Variants in RUNDC3B observed in about 807,000 individuals in gnomAD.
RUNDC3B encodes RUN domain-containing protein 3B.
A neutral mutation model predicts 58.4 loss-of-function variants in RUNDC3B; 33 were observed. That is an observed-to-expected ratio of 0.56 (90% CI 0.43 to 0.75). RUNDC3B has a LOEUF of 0.75. RUNDC3B is among the 30% of genes least tolerant of loss of function. RUNDC3B has a pLI of 0.00. For missense variants in RUNDC3B, 501 were observed against 535.7 expected (o/e 0.94, Z 0.64); for synonymous variants, 193 against 195.2 (o/e 0.99, Z 0.10).
intron 4 of RUNDC3B, among the ~76,000 whole-genome samples, chr7:87,734,506 C>G (rs1376693568): frequency 3.3e-5 from 5 of 152,086 alleles, no homozygotes; most frequent in African/African-American, 1.2e-4. Flanking sequence ...CTGGATCAAT[C>G]CTACCCTTAT....
chr7:87,657,158 G>A (rs1351273412), intron 2 of RUNDC3B, among the ~76,000 whole-genome samples: 1 of 152,102 alleles, frequency 6.6e-6, no homozygotes, highest in African/African-American at 2.4e-5. Flanking sequence ...AGAAAGACTG[G>A]TTAAGGACAC....
At chr7:87,700,791 C>CA (rs942335515) in intron 3 of RUNDC3B, among the ~76,000 whole-genome samples, 2 of 152,114 alleles carry the variant, frequency 1.3e-5, no homozygotes, top group African/African-American at 2.4e-5. Flanking sequence ...TACAAAATGT[C>CA]AAAAATATTT....
At chr7:87,644,413 G>A (rs1430605536) in intron 1 of RUNDC3B, among the ~76,000 whole-genome samples, 1 of 152,188 alleles carries the variant, frequency 6.6e-6, no homozygotes, top group Non-Finnish European at 1.5e-5. Context: ...TAACAGCAAT[G>A]ACATATAATA....
intron 6 of RUNDC3B, among the ~76,000 whole-genome samples, chr7:87,752,942 T>C (rs1363145889): frequency 2.0e-5 from 3 of 151,500 alleles, no homozygotes; most frequent in Non-Finnish European, 4.4e-5. Flanking sequence ...TGCTCTTGCT[T>C]TTCTAGTTCT....
intron 4 of RUNDC3B, among the ~76,000 whole-genome samples, chr7:87,711,048 C>T (rs371144551): frequency 2.2e-4 from 33 of 151,920 alleles, no homozygotes; most frequent in African/African-American, 6.0e-4. Flanking sequence ...ATACATTGGC[C>T]GGGCACGGTG....
Position 87,734,912 on chromosome 7 carries a change from T to A in RUNDC3B, c.459-4879T>A, listed in dbSNP as rs553713463. 2.6e-5 allele frequency among the ~76,000 whole-genome samples: 4 copies of A among 152,326 alleles called. No homozygotes were observed. In the South Asian group the frequency reaches 8.3e-4, roughly 32 times the overall value. On this transcript the variant is annotated intron_variant, in intron 4 of 10. Coordinates refer to ENST00000394654, the MANE Select transcript of RUNDC3B (RefSeq NM_001134405.2). Reference sequence around the variant, plus strand: ...AATCGCTCTGTCTCTTTTTCTGTCATCTTTTCCACTTAACATCTGACTGTT... The same window carrying A: ...AATCGCTCTGTCTCTTTTTCTGTCAACTTTTCCACTTAACATCTGACTGTT...
chr7:87,716,133 T>A (rs183550321), intron 4 of RUNDC3B, among the ~76,000 whole-genome samples: 1 of 152,194 alleles, frequency 6.6e-6, no homozygotes, highest in Non-Finnish European at 1.5e-5. Flanking sequence ...ATTACCACTT[T>A]GGGAAATCTG....
chr7:87,736,584 C>T (rs1011420002), intron 4 of RUNDC3B, among the ~76,000 whole-genome samples: 1 of 151,072 alleles, frequency 6.6e-6, no homozygotes, highest in Non-Finnish European at 1.5e-5. Context: ...AGTTTTTTTC[C>T]CAGATCACAG....
intron 8 of RUNDC3B, among the ~76,000 whole-genome samples, chr7:87,792,512 A>T (rs556035496): frequency 6.6e-6 from 1 of 152,250 alleles, no homozygotes; most frequent in East Asian, 1.9e-4. Flanking sequence ...AATATCAAGC[A>T]TCTTCTCTAA....
chr7:87,739,048 A>C (rs1832161219), intron 4 of RUNDC3B, among the ~76,000 whole-genome samples: 1 of 151,912 alleles, frequency 6.6e-6, no homozygotes, highest in Non-Finnish European at 1.5e-5. Context: ...CTACGTTTTA[A>C]AAGAAGTAGA....
chr7:87,723,605 A>T (rs1831033224), intron 4 of RUNDC3B, among the ~76,000 whole-genome samples: 1 of 152,192 alleles, frequency 6.6e-6, no homozygotes, highest in Non-Finnish European at 1.5e-5. Context: ...TTATTAGTTT[A>T]ATTATTAAAA....
chr7:87,757,212 T>C (rs1407275430), intron 6 of RUNDC3B, among the ~76,000 whole-genome samples: 1 of 152,174 alleles, frequency 6.6e-6, no homozygotes, highest in Non-Finnish European at 1.5e-5. Context: ...TCATTGTTTT[T>C]TTATTTTACT....
At chr7:87,815,052 A>G (rs1191353431) in intron 9 of RUNDC3B, among the ~76,000 whole-genome samples, 1 of 152,024 alleles carries the variant, frequency 6.6e-6, no homozygotes, top group African/African-American at 2.4e-5. Context: ...CAGTCAATCT[A>G]GTTTGTTATT....
chr7:87,644,728 AT>A (rs1000210725), intron 1 of RUNDC3B, among the ~76,000 whole-genome samples: 63 of 151,848 alleles, frequency 4.1e-4, no homozygotes, highest in African/African-American at 1.3e-3. Flanking sequence ...TAGGAATATA[AT>A]TTTTTTTACT....
chr7:87,651,401 C>T (rs1823554930), intron 2 of RUNDC3B, among the ~76,000 whole-genome samples: 1 of 151,932 alleles, frequency 6.6e-6, no homozygotes, highest in African/African-American at 2.4e-5. Context: ...AAAAAGTATA[C>T]TTACATTAGA....
At chr7:87,786,963 T>G (rs1282671421) in intron 8 of RUNDC3B, among the ~76,000 whole-genome samples, 1 of 152,166 alleles carries the variant, frequency 6.6e-6, no homozygotes, top group Admixed American at 6.5e-5. Flanking sequence ...AAAATAATTA[T>G]GGCCACTGAT....
At chr7:87,793,649 C>A (rs987097218) in intron 8 of RUNDC3B, among the ~76,000 whole-genome samples, 5 of 152,010 alleles carry the variant, frequency 3.3e-5, no homozygotes, top group Admixed American at 1.3e-4. Flanking sequence ...TAAAAAAACA[C>A]TCAAAAAACT....
At chr7:87,664,156 A>G (rs1824996200) in intron 2 of RUNDC3B, among the ~76,000 whole-genome samples, 1 of 152,022 alleles carries the variant, frequency 6.6e-6, no homozygotes, top group Non-Finnish European at 1.5e-5. Flanking sequence ...TTAAAATAAT[A>G]TTAAATTAAA....
intron 9 of RUNDC3B, 58 bp from the exon 10 acceptor site, chr7:87,816,083 C>G (rs1837013465): frequency 5.5e-6 from 7 of 1,261,272 alleles, no homozygotes; most frequent in Non-Finnish European, 8.0e-6. Context: ...AATAACCACT[C>G]AAGAAATTAT....
Sources: gnomAD v4.1 joint callset for allele counts (sites outside exome capture counted in the v4.1 genomes callset) on GRCh38, gnomAD v4.1.1 for gene constraint, MANE v1.5 for transcripts, NCBI Gene and HGNC (gene_info 2026-07-23, HGNC 2026-07-21) for gene names.